The following SCN9A variants were observed in gnomAD, a reference collection of about 807,000 sequenced individuals.
SCN9A encodes the protein sodium voltage-gated channel alpha subunit 9, also known as sodium channel protein type 9 subunit alpha.
A neutral mutation model predicts 187.0 loss-of-function variants in SCN9A; 131 were observed. That is an observed-to-expected ratio of 0.70 (90% CI 0.61 to 0.81). SCN9A has a LOEUF of 0.81. Ranked by LOEUF, SCN9A falls within the 30% of genes least tolerant of loss-of-function variation. The pLI, the probability that SCN9A is intolerant of heterozygous loss-of-function variation, is 0.00. For synonymous variants in SCN9A, 809 were observed against 808.6 expected (o/e 1.00, Z -0.01); for missense variants, 2,252 against 2,396.6 (o/e 0.94, Z 1.26).
chr2:166,220,226 TG>T (rs1694523972), intron 24 of SCN9A, among the ~76,000 whole-genome samples: 1 of 152,142 alleles, frequency 6.6e-6, no homozygotes, highest in Non-Finnish European at 1.5e-5. Flanking sequence ...CAACCTTTCA[TG>T]GTAAAAACTA....
At position 166,359,723 on chromosome 2, in the gene SCN9A, C is replaced by A. The variant is rs115244856; in HGVS notation, c.-51+15974G>T. Among the ~76,000 whole-genome samples the A allele has an allele frequency of 3.8e-3, 579 of 151,980 alleles. 2 individuals are homozygous for A. Among genetic ancestry groups the A allele is most frequent in the African/African-American group, 0.013 (539 of 41,472 alleles). ...GTAGTTGAACAACTGGTATGCAAAA[C>A]AAATTAAGCTGTATATGCGATAATT... On this transcript the variant is annotated intron_variant, in intron 1 of 26. Transcript: ENST00000642356.
chr2:166,239,826 C>A (rs1177603511), intron 19 of SCN9A, among the ~76,000 whole-genome samples: 1 of 152,144 alleles, frequency 6.6e-6, no homozygotes, highest in Non-Finnish European at 1.5e-5. Flanking sequence ...ATGATGAGAA[C>A]CTCTCTCTGA....
intron 7 of SCN9A, chr2:166,302,198 T>A (rs1698583669): frequency 4.9e-5 from 7 of 144,216 alleles, no homozygotes; most frequent in African/African-American, 2.1e-4. Flanking sequence ...TGTATTCACG[T>A]GGGCACCATC....
rs562733566 is a variant in SCN9A at position 166,351,135 on chromosome 2, A to G, written c.-51+24562T>C. 2.6e-5 allele frequency among the ~76,000 whole-genome samples: 4 copies of G among 152,284 alleles called. No homozygotes were observed. The East Asian group carries it at 7.7e-4, about 29-fold the overall frequency. On this transcript the variant is annotated intron_variant, in intron 1 of 26. Transcript: ENST00000642356. ...CTGATTTGGCGACACAAAGGCTTCCAAGGGAAGAATTTAACAAAATATCTT... is the reference window on the plus strand; with the variant it reads ...CTGATTTGGCGACACAAAGGCTTCCGAGGGAAGAATTTAACAAAATATCTT...
chr2:166,350,923 G>A (rs888787662), intron 1 of SCN9A, among the ~76,000 whole-genome samples: 1 of 152,054 alleles, frequency 6.6e-6, no homozygotes, highest in Non-Finnish European at 1.5e-5. Context: ...AATATAAAGC[G>A]AATGCTATTT....
intron 7 of SCN9A, among the ~76,000 whole-genome samples, chr2:166,296,661 C>G (rs977066107): frequency 2.0e-5 from 3 of 152,144 alleles, no homozygotes; most frequent in African/African-American, 7.2e-5. Flanking sequence ...TATTAGCACA[C>G]TGCTATACTA....
At chr2:166,230,751 G>A (rs1321992107) in intron 21 of SCN9A, among the ~76,000 whole-genome samples, 1 of 152,090 alleles carries the variant, frequency 6.6e-6, no homozygotes, top group Non-Finnish European at 1.5e-5. Context: ...GGGGACCGGG[G>A]TCTATGTACC....
chr2:166,301,966 A>G (rs1259789911), intron 7 of SCN9A: 1 of 150,996 alleles, frequency 6.6e-6, no homozygotes, highest in Non-Finnish European at 1.5e-5. Context: ...CATTTTATTT[A>G]TAGTCTTTTA....
chr2:166,335,052 A>C (rs1699594618), intron 1 of SCN9A, among the ~76,000 whole-genome samples: 1 of 152,184 alleles, frequency 6.6e-6, no homozygotes, highest in Non-Finnish European at 1.5e-5. Flanking sequence ...TGCTGCACAA[A>C]GAGCTTCAAA....
intron 24 of SCN9A, among the ~76,000 whole-genome samples, chr2:166,221,723 A>G (rs374254158): frequency 1.3e-5 from 2 of 152,162 alleles, no homozygotes; most frequent in South Asian, 2.1e-4. Context: ...TTCAAAATGT[A>G]TAACAAAGCT....
At chr2:166,297,218 A>AAAAAAAAAAAAAAAAAAAAAAAAAAC (rs1698351781) in intron 7 of SCN9A, among the ~76,000 whole-genome samples, 3 of 138,592 alleles carry the variant, frequency 2.2e-5, no homozygotes, top group Non-Finnish European at 3.1e-5. Flanking sequence ...AAAAAAAAAA[A>AAAAAAAAAAAAAAAAAAAAAAAAAAC]AAAAAAAAAG....
intron 23 of SCN9A, among the ~76,000 whole-genome samples, chr2:166,227,119 T>G (rs1362196065): frequency 6.6e-6 from 1 of 152,128 alleles, no homozygotes; most frequent in Non-Finnish European, 1.5e-5. Context: ...TTTATTATAT[T>G]TTGTAAAAAT....
intron 24 of SCN9A, among the ~76,000 whole-genome samples, chr2:166,222,942 CAACAAAAAAA>C (rs1694664811): frequency 5.4e-5 from 3 of 55,296 alleles, no homozygotes; most frequent in Non-Finnish European, 1.0e-4. Context: ...AAAAAAAAAA[CAACAAAAAAA>C]AAAAAAAAAA....
Position 166,308,542 on chromosome 2 carries a change from C to T in SCN9A, c.259-1468G>A, listed in dbSNP as rs1332148543. Among the ~76,000 whole-genome samples the T allele has an allele frequency of 2.6e-5, 4 of 152,164 alleles. No individual in the cohort carries two copies. The East Asian group carries it at 7.7e-4, about 29-fold the overall frequency. ...CATGATTGTAAGTTTTCTGAGGCCT[C>T]CCCTGCCATTCAGAACAGTGAGTAA... is the stretch of plus-strand genomic sequence containing the variant. On this transcript the variant is annotated intron_variant, in intron 2 of 26. Coordinates refer to ENST00000642356, the MANE Select transcript of SCN9A (RefSeq NM_001365536.1).
chr2:166,284,945 A>G lies in SCN9A; in HGVS notation c.1603-121T>C, dbSNP rs544132560. 117 of 1,062,440 alleles carry G rather than the reference A, an allele frequency of 1.1e-4. 1 individual carries two copies. The South Asian group carries it at 2.0e-3, about 18-fold the overall frequency. The allele number at this position is 1,062,440 out of a possible 1,614,324, so 65.8% of individuals were successfully genotyped here. On this transcript the variant is annotated intron_variant, in intron 11 of 26. Transcript: ENST00000642356. Reference sequence around the variant, plus strand: ...GTGGCTCTGTACTGACTTAAAAGAAACATACTTAAAAACGAAGCAATTCAG... The same window carrying G: ...GTGGCTCTGTACTGACTTAAAAGAAGCATACTTAAAAACGAAGCAATTCAG...
At chr2:166,375,298 C>T (rs570467358) in intron 1 of SCN9A, among the ~76,000 whole-genome samples, 126 of 152,306 alleles carry the variant, frequency 8.3e-4, no homozygotes, top group African/African-American at 2.9e-3. Flanking sequence ...AAATACAGCA[C>T]ATGCTTTTTG....
chr2:166,253,731 T>C (rs866135878), intron 17 of SCN9A, among the ~76,000 whole-genome samples: 2 of 151,768 alleles, frequency 1.3e-5, no homozygotes, highest in East Asian at 1.9e-4. Context: ...CCTATTATTC[T>C]GTGAAGTTAA....
intron 14 of SCN9A, among the ~76,000 whole-genome samples, chr2:166,279,018 C>T (rs897449010): frequency 1.3e-5 from 2 of 152,044 alleles, no homozygotes; most frequent in African/African-American, 4.8e-5. Flanking sequence ...TCAAATAATG[C>T]AGGATCAAGA....
chr2:166,199,111 A>C lies in SCN9A; in HGVS notation c.5528T>G (p.Phe1843Cys). Residue 1843 changes from phenylalanine to cysteine, a missense_variant, in exon 27 of 27, where the codon TTT becomes TGT. Coordinates refer to ENST00000642356, the MANE Select transcript of SCN9A (RefSeq NM_001365536.1). The stretch of plus-strand genomic sequence containing the variant: ...ACCCAAAACACGCTTTGTAAAAGCA[A>C]ATAAGATGTCAAGACAATGGATCCG... ...GDRIHCLDIL[F>C]AFTKRVLGES... The C allele has an allele frequency of 4.3e-6, 7 of 1,614,204 alleles. No homozygotes were observed. Among genetic ancestry groups the C allele is most frequent in the Non-Finnish European group, 5.9e-6 (7 of 1,180,040 alleles).
Sources: allele counts gnomAD v4.1 joint callset (sites outside exome capture counted in the v4.1 genomes callset), GRCh38; gene constraint gnomAD v4.1.1; transcripts MANE v1.5; gene names NCBI Gene and HGNC (gene_info 2026-07-23, HGNC 2026-07-21).